GLB1L3: variants seen among roughly 807,000 people sequenced by gnomAD.
The protein encoded by GLB1L3 is beta-galactosidase-1-like protein 3.
In GLB1L3, 89 loss-of-function variants were observed where a neutral mutation model predicts 89.5. The ratio of observed to expected loss-of-function variants is 0.99; its 90% confidence interval spans 0.84 to 1.19. GLB1L3 has a LOEUF of 1.19. Among genes scored for constraint, GLB1L3 ranks in the 50% most tolerant of loss-of-function variants. The probability of loss-of-function intolerance (pLI) is 0.00; values close to 1 mark genes in which losing one functional copy is unlikely to be tolerated. For synonymous variants in GLB1L3, 314 were observed against 312.3 expected (o/e 1.01, Z -0.06); for missense variants, 812 against 813.3 (o/e 1.00, Z 0.02).
intron 6 of GLB1L3, among the ~76,000 whole-genome samples, chr11:134,288,201 A>G (rs1199761581): frequency 1.3e-5 from 2 of 152,226 alleles, no homozygotes; most frequent in Admixed American, 6.5e-5. Context: ...GTTAAAAGCA[A>G]GAAAGCAGGA....
intron 7 of GLB1L3, among the ~76,000 whole-genome samples, chr11:134,290,387 A>G (rs1226239258): frequency 2.0e-5 from 3 of 152,100 alleles, no homozygotes; most frequent in Non-Finnish European, 4.4e-5. Flanking sequence ...AGCCTGGCCA[A>G]CGTGTCAAAA....
intron 11 of GLB1L3, 57 bp from the exon 12 acceptor site, chr11:134,310,514 G>A: frequency 7.2e-7 from 1 of 1,395,774 alleles, no homozygotes; most frequent in Non-Finnish European, 1.0e-6. Context: ...CAGCGGTGCT[G>A]AAACAGGGCC....
rs1940720600 is a variant in GLB1L3 at position 134,282,017 on chromosome 11, C to G, written c.432-8C>G. 2 of 1,560,836 alleles carry G rather than the reference C, an allele frequency of 1.3e-6. No individual in the cohort carries two copies. Among genetic ancestry groups the G allele is most frequent in the African/African-American group, 1.4e-5 (1 of 72,048 alleles). On this transcript the variant is annotated splice_polypyrimidine_tract_variant and splice_region_variant and intron_variant, in intron 4 of 19. Coordinates refer to ENST00000431683, the MANE Select transcript of GLB1L3 (RefSeq NM_001080407.3). ...CGTGGGAGGGGCTGACGATGTGGAC[C>G]TCCCTAGGGCCTTCGTCCTGATGGC...
intron 18 of GLB1L3, among the ~76,000 whole-genome samples, chr11:134,315,787 A>G (rs1287518609): frequency 6.6e-6 from 1 of 152,064 alleles, no homozygotes; most frequent in Non-Finnish European, 1.5e-5. Context: ...TGATTCTGTC[A>G]TTATCTTTAT....
At position 134,305,591 on chromosome 11, in the gene GLB1L3, C is replaced by T. The variant is rs78702041; in HGVS notation, c.877-1533C>T. On this transcript the variant is annotated intron_variant, in intron 9 of 19. Transcript: ENST00000431683. ...ATTTTAACACCAGAAGTCAGTCTTT[C>T]CTCTTGAATACAAATGGAAAATTAA... 2.6e-5 allele frequency among the ~76,000 whole-genome samples: 4 copies of T among 152,048 alleles called. No individual in the cohort carries two copies. In the East Asian group the frequency reaches 7.7e-4, roughly 29 times the overall value.
chr11:134,314,561 C>A, intron 18 of GLB1L3, 120 bp downstream of exon 18: 3 of 703,586 alleles, frequency 4.3e-6, no homozygotes, highest in Non-Finnish European at 7.5e-6. Flanking sequence ...TCTTCTTCCT[C>A]ATCTCCAACC....
chr11:134,321,102 C>T (rs139323846), downstream of GLB1L3, among the ~76,000 whole-genome samples: 155 of 152,230 alleles, frequency 1.0e-3, 4 homozygotes, highest in East Asian at 0.027. Context: ...TATGGACAAA[C>T]GTTAACTCCA....
chr11:134,277,141 C>A, intron 1 of GLB1L3, 185 bp from the exon 2 acceptor site: 1 of 727,740 alleles, frequency 1.4e-6, no homozygotes, highest in South Asian at 1.6e-5. Context: ...TTCATCCTGG[C>A]TGCAGAGGAC....
intron 10 of GLB1L3, among the ~76,000 whole-genome samples, chr11:134,308,202 CTA>C (rs1565412270): frequency 3.3e-4 from 15 of 45,602 alleles, no homozygotes; most frequent in African/African-American, 7.7e-4. Flanking sequence ...ACCATCACCA[CTA>C]CCACCACCAC....
downstream of GLB1L3, among the ~76,000 whole-genome samples, chr11:134,322,626 G>C (rs1943180870): frequency 6.6e-6 from 1 of 152,096 alleles, no homozygotes; most frequent in Non-Finnish European, 1.5e-5. Context: ...TTCTGTCTCT[G>C]TGGATTTGCC....
rs752873101 is a variant in GLB1L3 at position 134,318,668 on chromosome 11, A to T, written c.1817A>T (p.Asn606Ile). Residue 606 changes from asparagine to isoleucine, a missense_variant, in exon 19 of 20, where the codon AAC (asparagine) becomes ATC (isoleucine). Physicochemically the swap from Asn to Ile is moderately radical, Grantham distance 149 (BLOSUM62 -3). Transcript: ENST00000431683. Reference sequence around the variant, plus strand: ...GGATTTGTGTTCATCAATGGACGTAACCTTGGGCGATATTGGAATATTGGG... The same window carrying T: ...GGATTTGTGTTCATCAATGGACGTATCCTTGGGCGATATTGGAATATTGGG... ...NYGFVFINGRNLGRYWNIGPQ... is the reference protein window; with the variant it reads ...NYGFVFINGRILGRYWNIGPQ... 1.3e-5 allele frequency: 21 copies of T among 1,612,616 alleles called. No homozygotes were observed. The highest frequency in any genetic ancestry group is 1.6e-5 in the Non-Finnish European group (19 of 1,179,056).
In GLB1L3 at chr11:134,277,298, T is replaced by A. The variant is rs1320682271; in HGVS notation, c.24-28T>A. ...GCCCGGTGGGGCCGGAACCTTCCCC[T>A]TGTCACTGTTGTCCTTTCTCCTTTC... On this transcript the variant is annotated intron_variant, in intron 1 of 19. Coordinates refer to ENST00000431683, the MANE Select transcript of GLB1L3 (RefSeq NM_001080407.3). The A allele has an allele frequency of 3.1e-6, 5 of 1,613,598 alleles. No homozygotes were observed. In the South Asian group the frequency reaches 5.5e-5, roughly 18 times the overall value.
In GLB1L3 at chr11:134,319,104, G is replaced by A. The variant is rs1304650626; in HGVS notation, c.*162G>A. 4.4e-5 allele frequency: 26 copies of A among 588,006 alleles called. No homozygotes were observed. Among genetic ancestry groups the A allele is most frequent in the Middle Eastern group, 4.5e-4 (1 of 2,212 alleles). 36.4% of individuals were successfully genotyped at this position (588,006 alleles called of 1,614,324 possible). On this transcript the variant is annotated 3_prime_UTR_variant, in exon 20 of 20. Coordinates refer to ENST00000431683, the MANE Select transcript of GLB1L3 (RefSeq NM_001080407.3). ...CCAGCAGCTGGGACTACAGGTGCACGCCACCACGCCTGGCTAATTTTTTGT... is the reference window on the plus strand; with the variant it reads ...CCAGCAGCTGGGACTACAGGTGCACACCACCACGCCTGGCTAATTTTTTGT...
At chr11:134,278,270 T>C (rs991258681) in intron 3 of GLB1L3, among the ~76,000 whole-genome samples, 9 of 150,084 alleles carry the variant, frequency 6.0e-5, no homozygotes, top group South Asian at 4.3e-4. Context: ...ATGCATGTTT[T>C]TAAAACAAAA....
intron 5 of GLB1L3, among the ~76,000 whole-genome samples, chr11:134,283,212 G>A (rs1479075514): frequency 1.3e-5 from 2 of 151,994 alleles, no homozygotes; most frequent in African/African-American, 4.8e-5. Flanking sequence ...ACAGGCGCCC[G>A]CCACCACACC....
chr11:134,305,211 C>G, intron 9 of GLB1L3: 1 of 986,932 alleles, frequency 1.0e-6, no homozygotes, highest in Non-Finnish European at 1.6e-6. Flanking sequence ...ATAATTTTGT[C>G]CTTCTAAGCT....
chr11:134,305,608 G>A (rs1231637808), intron 9 of GLB1L3, among the ~76,000 whole-genome samples: 2 of 151,976 alleles, frequency 1.3e-5, no homozygotes, highest in Admixed American at 6.6e-5. Context: ...AATACAAATG[G>A]AAAATTAAGG....
chr11:134,325,197 A>G, the GLB1L3 span, among the ~76,000 whole-genome samples: 1 of 152,152 alleles, frequency 6.6e-6, no homozygotes, highest in African/African-American at 2.4e-5. Context: ...TAACATTTTA[A>G]TGTTTCACTT....
downstream of GLB1L3, among the ~76,000 whole-genome samples, chr11:134,320,105 T>C (rs1386363031): frequency 1.3e-5 from 2 of 152,190 alleles, no homozygotes; most frequent in African/African-American, 2.4e-5. Context: ...CACTTTCTTA[T>C]ATACAAAACA....
Sources: gnomAD v4.1 joint callset for allele counts (sites outside exome capture counted in the v4.1 genomes callset) on GRCh38, gnomAD v4.1.1 for gene constraint, MANE v1.5 for transcripts, NCBI Gene and HGNC (gene_info 2026-07-23, HGNC 2026-07-21) for gene names.